KCND3: variants seen among roughly 807,000 people sequenced by gnomAD.
KCND3 encodes the protein A-type voltage-gated potassium channel KCND3.
Under a neutral mutation model 51.1 loss-of-function variants are expected in KCND3, and 9 were observed. The observed-to-expected ratio is 0.18, with a 90% CI of 0.11 to 0.31. The LOEUF (loss-of-function observed/expected upper bound fraction) is 0.31, where lower values mean the gene tolerates loss of function less well. KCND3 is among the 10% of genes least tolerant of loss of function. KCND3 has a pLI of 1.00. For missense variants in KCND3, 526 were observed against 903.8 expected (o/e 0.58, Z 5.36); for synonymous variants, 349 against 368.0 (o/e 0.95, Z 0.59).
chr1:111,881,086 T>G (rs555481032), intron 2 of KCND3, among the ~76,000 whole-genome samples: 4 of 152,188 alleles, frequency 2.6e-5, no homozygotes. Context: ...AAGCCTTGCA[T>G]GTCACTGTTT....
intron 2 of KCND3, among the ~76,000 whole-genome samples, chr1:111,968,201 C>G (rs1488043418): frequency 2.6e-5 from 4 of 152,148 alleles, no homozygotes; most frequent in African/African-American, 9.7e-5. Flanking sequence ...CCACACAACA[C>G]ACTTTTGCTT....
intron 2 of KCND3, among the ~76,000 whole-genome samples, chr1:111,949,007 C>T (rs1672923896): frequency 6.6e-6 from 1 of 152,182 alleles, no homozygotes. Context: ...CACAACAAGC[C>T]TTTCTGAGCC....
chr1:111,943,400 T>C (rs1158575704), intron 2 of KCND3, among the ~76,000 whole-genome samples: 6 of 152,186 alleles, frequency 3.9e-5, no homozygotes, highest in Admixed American at 3.9e-4. Flanking sequence ...CCCACTGGAC[T>C]AGAGGCAGTT....
intron 2 of KCND3, among the ~76,000 whole-genome samples, chr1:111,948,391 T>C (rs867227656): frequency 6.6e-6 from 1 of 152,236 alleles, no homozygotes; most frequent in Non-Finnish European, 1.5e-5. Context: ...GCCAGCCTCC[T>C]GAGGTGGCGT....
intron 2 of KCND3, among the ~76,000 whole-genome samples, chr1:111,813,815 A>G (rs891589276): frequency 3.3e-5 from 5 of 152,216 alleles, no homozygotes; most frequent in African/African-American, 9.6e-5. Flanking sequence ...TTCCTTTCCC[A>G]TTATATAGAT....
chr1:111,939,404 G>A (rs915331029), intron 2 of KCND3, among the ~76,000 whole-genome samples: 4 of 151,860 alleles, frequency 2.6e-5, no homozygotes, highest in Non-Finnish European at 4.4e-5. Context: ...AACAGGCCCG[G>A]GTGTGTGATG....
intron 2 of KCND3, among the ~76,000 whole-genome samples, chr1:111,953,061 G>A (rs1571895870): frequency 6.6e-6 from 1 of 152,020 alleles, no homozygotes. Context: ...TACAAGTGAG[G>A]GAACCAGAGC....
intron 2 of KCND3, among the ~76,000 whole-genome samples, chr1:111,871,139 G>A (rs935250701): frequency 1.3e-5 from 2 of 152,166 alleles, no homozygotes; most frequent in African/African-American, 4.8e-5. Context: ...GGAATGGGAG[G>A]TGAGATGAGA....
chr1:111,822,251 T>C (rs1013764565), intron 2 of KCND3, among the ~76,000 whole-genome samples: 1 of 152,202 alleles, frequency 6.6e-6, no homozygotes, highest in African/African-American at 2.4e-5. Flanking sequence ...AATGTATATT[T>C]TATCTATGTG....
Position 111,776,279 on chromosome 1 carries a change from C to T in KCND3, c.1767-1G>A. 1 of 1,613,552 alleles carries T rather than the reference C, an allele frequency of 6.2e-7. No individual in the cohort carries two copies. Among genetic ancestry groups the T allele is most frequent in the South Asian group, 1.1e-5 (1 of 90,964 alleles). The stretch of plus-strand genomic sequence containing the variant: ...TGCTTTCAAATTAAGGCTGGAGCGA[C>T]TGGGATAGAAAAGAGTGAGTTGATG... On this transcript the variant is annotated splice_acceptor_variant, in intron 7 of 7. Coordinates refer to ENST00000302127, the MANE Select transcript of KCND3 (RefSeq NM_001378969.1). LOFTEE classifies it high-confidence loss of function.
intron 2 of KCND3, among the ~76,000 whole-genome samples, chr1:111,861,511 C>T (rs1668338658): frequency 6.6e-6 from 1 of 152,202 alleles, no homozygotes; most frequent in African/African-American, 2.4e-5. Flanking sequence ...GATAAGAAAA[C>T]TGGGGTCATA....
intron 2 of KCND3, among the ~76,000 whole-genome samples, chr1:111,942,662 GGATT>G (rs1672581929): frequency 6.6e-6 from 1 of 152,166 alleles, no homozygotes; most frequent in African/African-American, 2.4e-5. Flanking sequence ...CTGCCACCTG[GGATT>G]GCCGCCCCAA....
chr1:111,867,496 A>T (rs1668632813), intron 2 of KCND3, among the ~76,000 whole-genome samples: 1 of 152,170 alleles, frequency 6.6e-6, no homozygotes, highest in Admixed American at 6.5e-5. Flanking sequence ...TTGGAAGGGA[A>T]ACCCGCCTTA....
At chr1:111,787,131 G>T (rs756921070) in intron 2 of KCND3, 25 bp from the exon 3 acceptor site, 1 of 1,613,334 alleles carries the variant, frequency 6.2e-7, no homozygotes, top group East Asian at 2.2e-5. Context: ...GAAACAGGGT[G>T]TAAGGGAGAG....
intron 2 of KCND3, among the ~76,000 whole-genome samples, chr1:111,973,506 G>A (rs146865505): frequency 1.4e-4 from 21 of 152,358 alleles, no homozygotes; most frequent in African/African-American, 4.6e-4. Flanking sequence ...TGTTGGGATC[G>A]GAAGTTGCTG....
At chr1:111,884,876 T>A (rs1406290693) in intron 2 of KCND3, among the ~76,000 whole-genome samples, 2 of 152,156 alleles carry the variant, frequency 1.3e-5, no homozygotes, top group African/African-American at 2.4e-5. Context: ...ACTATTGACA[T>A]TGGGCCTGAT....
intron 2 of KCND3, among the ~76,000 whole-genome samples, chr1:111,967,411 C>A (rs1341417292): frequency 6.6e-6 from 1 of 152,162 alleles, no homozygotes; most frequent in African/African-American, 2.4e-5. Flanking sequence ...CGAGAGGCAT[C>A]CAGGGAGCTG....
At chr1:111,796,595 T>C (rs780563805) in intron 2 of KCND3, among the ~76,000 whole-genome samples, 19 of 152,026 alleles carry the variant, frequency 1.2e-4, no homozygotes, top group Non-Finnish European at 2.6e-4. Context: ...CATGGACACA[T>C]AGAGGGGAAC....
chr1:111,797,407 C>T (rs548238191), intron 2 of KCND3, among the ~76,000 whole-genome samples: 1 of 152,308 alleles, frequency 6.6e-6, no homozygotes, highest in East Asian at 1.9e-4. Context: ...TAGCCCCTCG[C>T]ACTGGCCAGT....
Sources: gnomAD v4.1 joint callset for allele counts (sites outside exome capture counted in the v4.1 genomes callset) on GRCh38, gnomAD v4.1.1 for gene constraint, MANE v1.5 for transcripts, NCBI Gene and HGNC (gene_info 2026-07-23, HGNC 2026-07-21) for gene names.